Variants in PEX14 observed in about 807,000 individuals in gnomAD.
PEX14 encodes peroxisomal membrane protein PEX14.
PEX14 carries 15 observed loss-of-function variants against 49.5 expected under a neutral mutation model. The ratio of observed to expected loss-of-function variants is 0.30; its 90% CI spans 0.20 to 0.47. The LOEUF is 0.47. Among genes scored for constraint, PEX14 ranks in the 20% least tolerant of loss-of-function variants. The pLI is 1.00. For missense variants in PEX14, 398 were observed against 494.8 expected, an observed-to-expected ratio of 0.80 and a Z score of 1.86; for synonymous variants, 210 against 212.7, an observed-to-expected ratio of 0.99 and a Z score of 0.11.
chr1:10,588,970 A>T (rs1000384723), intron 3 of PEX14, among the ~76,000 whole-genome samples: 1 of 152,228 alleles, frequency 6.6e-6, no homozygotes, highest in Non-Finnish European at 1.5e-5. Context: ...ATTTTGTATT[A>T]TCTGTGGTTT....
intron 3 of PEX14, among the ~76,000 whole-genome samples, chr1:10,552,753 T>C (rs4846232): frequency 0.73 from 110,659 of 152,002 alleles, 41,388 homozygotes; most frequent in Non-Finnish European, 0.82. Context: ...GGTATCTGAG[T>C]GGAGGCCTGG....
chr1:10,546,885 C>T (rs1392672456), intron 3 of PEX14, among the ~76,000 whole-genome samples: 4 of 151,790 alleles, frequency 2.6e-5, no homozygotes, highest in Non-Finnish European at 4.4e-5. Flanking sequence ...AAACAAAAAA[C>T]GAACAACTAC....
At chr1:10,524,658 G>A (rs1214662050) in intron 2 of PEX14, among the ~76,000 whole-genome samples, 1 of 151,942 alleles carries the variant, frequency 6.6e-6, no homozygotes, top group Non-Finnish European at 1.5e-5. Context: ...CTGGTGCTCA[G>A]TAGGCCTTTG....
chr1:10,546,604 C>T (rs1414711366), intron 3 of PEX14, among the ~76,000 whole-genome samples: 1 of 127,994 alleles, frequency 7.8e-6, no homozygotes, highest in African/African-American at 3.0e-5. Flanking sequence ...CGGTGGCTCA[C>T]GCCTATAATC....
intron 2 of PEX14, among the ~76,000 whole-genome samples, chr1:10,503,571 T>C (rs1443398728): frequency 6.6e-6 from 1 of 151,912 alleles, no homozygotes; most frequent in Non-Finnish European, 1.5e-5. Context: ...TTTCAAAGAA[T>C]TTTCATGTAA....
intron 2 of PEX14, among the ~76,000 whole-genome samples, chr1:10,507,061 CCTCGCTGTTGGTGTCTTTATTTTGGT>C (rs1256395687): frequency 4.6e-5 from 7 of 152,218 alleles, no homozygotes; most frequent in South Asian, 2.1e-4. Context: ...AATATTCTGG[CCTCGCTGTTGGTGTCTTTATTTTGGT>C]CTCGCTGTTG....
At chr1:10,537,712 T>C (rs907429861) in intron 3 of PEX14, among the ~76,000 whole-genome samples, 3 of 152,138 alleles carry the variant, frequency 2.0e-5, no homozygotes, top group Non-Finnish European at 4.4e-5. Context: ...TTGCAGAAGG[T>C]ATTTAGAGCA....
In PEX14 at chr1:10,577,610, T is replaced by G. The variant is rs950003128; in HGVS notation, c.170-21628T>G. ...TTTTTTTTTTTTTTTTTTTTTTTTT[T>G]GGACAGAGTCTCGCTCTGTCACCCA... On this transcript the variant is annotated intron_variant, in intron 3 of 8. Transcript: ENST00000356607. 2.7e-4 allele frequency among the ~76,000 whole-genome samples: 20 copies of G among 72,984 alleles called. No homozygotes were observed. In the East Asian group the frequency reaches 4.4e-3, roughly 16 times the overall value. The allele number at this position is 72,984 out of a possible 152,430, so 47.9% of individuals were successfully genotyped here.
intron 4 of PEX14, among the ~76,000 whole-genome samples, chr1:10,616,666 G>C (rs146988279): frequency 6.6e-6 from 1 of 152,208 alleles, no homozygotes. Flanking sequence ...AAAGGTGTTC[G>C]CAGTGGAGAC....
rs1211329254 is a variant in PEX14, at chr1:10,514,891, C to T, written c.84+19570C>T. On this transcript the variant is annotated intron_variant, in intron 2 of 8. Coordinates refer to ENST00000356607, the MANE Select transcript of PEX14 (RefSeq NM_004565.3). The surrounding 1 kb of genome is among the most constrained non-coding windows in gnomAD (Gnocchi z 4.4). ...GAACTTCTGTGTGCAGAAAACTGTC[C>T]CCCTTAAAAGCCTGGGTAACAAGGA... Among the ~76,000 whole-genome samples the T allele has an allele frequency of 6.6e-6, 1 of 152,112 alleles. No individual in the cohort carries two copies. The highest frequency in any genetic ancestry group is 1.5e-5 in the Non-Finnish European group (1 of 68,040).
intron 1 of PEX14, among the ~76,000 whole-genome samples, chr1:10,487,885 A>G (rs1161914908): frequency 6.6e-6 from 1 of 151,706 alleles, no homozygotes; most frequent in Admixed American, 6.6e-5. Flanking sequence ...GGTTCAAGGG[A>G]TTCTTCTGCC....
chr1:10,616,103 G>T (rs1382550307), intron 4 of PEX14, among the ~76,000 whole-genome samples: 1 of 152,178 alleles, frequency 6.6e-6, no homozygotes, highest in Non-Finnish European at 1.5e-5. Context: ...GGCAGGGAGG[G>T]AGTTTGGTGG....
At chr1:10,603,516 C>T (rs284283) in intron 4 of PEX14, among the ~76,000 whole-genome samples, 33,583 of 151,700 alleles carry the variant, frequency 0.22, 5,224 homozygotes, top group African/African-American at 0.45. Context: ...CCAGTGCTCT[C>T]GGGGGCTAGA....
At chr1:10,524,806 A>C (rs371616337) in intron 2 of PEX14, among the ~76,000 whole-genome samples, 182 of 152,218 alleles carry the variant, frequency 1.2e-3, no homozygotes, top group African/African-American at 3.9e-3. Context: ...CCATCCTCCC[A>C]CCTAGCTCCC....
At chr1:10,535,830 T>TA (rs1638785045) in intron 2 of PEX14, 1 of 351,910 alleles carries the variant, frequency 2.8e-6, no homozygotes, top group Non-Finnish European at 5.5e-6. Flanking sequence ...TTTAGACAGG[T>TA]GGAGGCAGGA....
intron 3 of PEX14, among the ~76,000 whole-genome samples, chr1:10,542,108 A>T (rs1483588009): frequency 1.3e-5 from 2 of 152,216 alleles, no homozygotes; most frequent in African/African-American, 4.8e-5. Flanking sequence ...ACTTTTTGAA[A>T]AGGTAAGGCA....
chr1:10,536,062 T>C, intron 2 of PEX14, 151 bp from the exon 3 acceptor site: 1 of 681,832 alleles, frequency 1.5e-6, no homozygotes, highest in South Asian at 1.6e-5. Context: ...TTCATTTAGG[T>C]AGATTTTAAG....
intron 3 of PEX14, 82 bp from the exon 4 acceptor site, chr1:10,599,156 G>T: frequency 1.4e-6 from 2 of 1,418,292 alleles, no homozygotes; most frequent in Non-Finnish European, 2.0e-6. Context: ...GGCTGTAAAG[G>T]TCTTTGCTCA....
At chr1:10,555,368 C>T (rs1323305940) in intron 3 of PEX14, among the ~76,000 whole-genome samples, 1 of 151,846 alleles carries the variant, frequency 6.6e-6, no homozygotes, top group African/African-American at 2.4e-5. Context: ...CATACAGAGT[C>T]GGGGGGAGAG....
Sources: allele counts gnomAD v4.1 joint callset (sites outside exome capture counted in the v4.1 genomes callset), GRCh38; gene constraint gnomAD v4.1.1; non-coding constraint Gnocchi (gnomAD v3.1); transcripts MANE v1.5; gene names NCBI Gene and HGNC (gene_info 2026-07-23, HGNC 2026-07-21).